UNC79: variants seen among roughly 807,000 people sequenced by gnomAD.
UNC79 encodes unc-79 subunit of NALCN channel complex.
UNC79 carries 37 observed loss-of-function variants against 283.1 expected under a neutral mutation model. That is an observed-to-expected ratio of 0.13 (90% confidence interval 0.10 to 0.17). The LOEUF is 0.17. Ranked by LOEUF, UNC79 falls within the 10% of genes least tolerant of loss-of-function variation. UNC79 has a pLI of 1.00. For missense variants in UNC79, 2,272 were observed against 3,211.1 expected, an observed-to-expected ratio of 0.71 and a Z score of 7.07; for synonymous variants, 1,107 against 1,200.2, an observed-to-expected ratio of 0.92 and a Z score of 1.61.
chr14:93,620,992 C>T (rs781676705), intron 29 of UNC79: 5 of 518,058 alleles, frequency 9.7e-6, no homozygotes, highest in Admixed American at 3.9e-5. Context: ...AAAGAATAGG[C>T]GGCAGCAAAA....
intron 1 of UNC79, among the ~76,000 whole-genome samples, chr14:93,419,256 C>T (rs1408150593): frequency 6.6e-6 from 1 of 151,176 alleles, no homozygotes; most frequent in Non-Finnish European, 1.5e-5. Flanking sequence ...GCAACCTCCA[C>T]TTCCCAGGTT....
chr14:93,691,723 A>G (rs1272632333), intron 45 of UNC79, 26 bp from the exon 49 acceptor site: 3 of 1,612,452 alleles, frequency 1.9e-6, no homozygotes, highest in Non-Finnish European at 2.5e-6. Context: ...GATGCAATGC[A>G]CTGATGCCGT....
At chr14:93,557,686 G>C (rs888119146) in intron 14 of UNC79, among the ~76,000 whole-genome samples, 7 of 152,056 alleles carry the variant, frequency 4.6e-5, no homozygotes, top group Admixed American at 4.6e-4. Flanking sequence ...GACAATGGAG[G>C]GAAAAAGAAT....
At chr14:93,698,083 A>C (rs1436292023) in intron 47 of UNC79, among the ~76,000 whole-genome samples, 1 of 152,194 alleles carries the variant, frequency 6.6e-6, no homozygotes, top group Admixed American at 6.5e-5. Context: ...CTAATGTATC[A>C]GAGAATATAC....
exon 41 of UNC79, chr14:93,673,436 A>G (rs1294740798): frequency 6.2e-6 from 10 of 1,612,598 alleles, no homozygotes; most frequent in Non-Finnish European, 8.5e-6. Context: ...CCAGATACAA[A>G]CCTTCTTCTG....
intron 5 of UNC79, among the ~76,000 whole-genome samples, chr14:93,492,114 G>A (rs1464810751): frequency 6.6e-6 from 1 of 152,136 alleles, no homozygotes; most frequent in Non-Finnish European, 1.5e-5. Context: ...TTTGTGCTAG[G>A]CATTGTGAAA....
At chr14:93,591,807 G>A (rs1216392855) in intron 22 of UNC79, among the ~76,000 whole-genome samples, 1 of 152,172 alleles carries the variant, frequency 6.6e-6, no homozygotes, top group Non-Finnish European at 1.5e-5. Context: ...TGAAAAAGAC[G>A]CGAGAACTGC....
At position 93,527,424 on chromosome 14, in the gene UNC79, C is replaced by T. The variant is rs181251970; in HGVS notation, c.964-1134C>T. 1.1e-4 allele frequency among the ~76,000 whole-genome samples: 16 copies of T among 152,274 alleles called. No homozygotes were observed. The East Asian group carries it at 2.5e-3, about 24-fold the overall frequency. ...TTTGCCAATCTCTGATTTAACACAC[C>T]GCAAAGCAGTTACTCATTACGTCTA... On this transcript the variant is annotated intron_variant, in intron 8 of 48. Transcript: ENST00000555664.
chr14:93,334,417 G>A (rs994391456), intron 1 of UNC79: 1 of 152,076 alleles, frequency 6.6e-6, no homozygotes, highest in African/African-American at 2.4e-5. Context: ...AGCTGGTAAG[G>A]GTCACTTCAG....
At chr14:93,649,701 A>C (rs1000364601) in intron 35 of UNC79, among the ~76,000 whole-genome samples, 3 of 152,180 alleles carry the variant, frequency 2.0e-5, no homozygotes, top group African/African-American at 7.2e-5. Context: ...ATATCACCTC[A>C]CATAGTTATC....
chr14:93,354,779 G>T (rs1249960459), intron 1 of UNC79, among the ~76,000 whole-genome samples: 2 of 152,200 alleles, frequency 1.3e-5, no homozygotes, highest in Non-Finnish European at 2.9e-5. Context: ...TGGGATTACA[G>T]GCATGAGATA....
rs570336322 is a variant in UNC79, at chr14:93,523,830, A to G, written c.899-148A>G. Reference sequence around the variant, plus strand: ...TTGTATATCTTTGCTTGTCTTTTAAATTTTTTATAGATTAAAAAGATGATT... The same window carrying G: ...TTGTATATCTTTGCTTGTCTTTTAAGTTTTTTATAGATTAAAAAGATGATT... On this transcript the variant is annotated intron_variant, in intron 7 of 48. Transcript: ENST00000555664. The G allele has an allele frequency of 4.6e-5, 39 of 840,748 alleles. No homozygotes were observed. The East Asian group carries it at 5.6e-4, about 12-fold the overall frequency. 52.1% of individuals were successfully genotyped at this position (840,748 alleles called of 1,614,324 possible).
intron 40 of UNC79, among the ~76,000 whole-genome samples, chr14:93,668,381 T>C (rs2072448574): frequency 6.6e-6 from 1 of 152,152 alleles, no homozygotes; most frequent in Non-Finnish European, 1.5e-5. Context: ...ACTTTTAAAA[T>C]GTCATCTATT....
chr14:93,439,962 T>C (rs2056233765), intron 1 of UNC79, among the ~76,000 whole-genome samples: 1 of 152,134 alleles, frequency 6.6e-6, no homozygotes, highest in South Asian at 2.1e-4. Flanking sequence ...TCATTTCTAA[T>C]GCATACAGTT....
At chr14:93,342,449 C>T (rs1237017824) in intron 1 of UNC79, among the ~76,000 whole-genome samples, 3 of 152,212 alleles carry the variant, frequency 2.0e-5, no homozygotes, top group Non-Finnish European at 2.9e-5. Context: ...GCCATTTTTC[C>T]TTCCTAGGCC....
chr14:93,622,122 A>C lies in UNC79; in HGVS notation c.4889A>C (p.Asp1630Ala), dbSNP rs756129252. Residue 1630 changes from aspartate (D) to alanine (A), a missense_variant, in exon 30 of 49, where the codon GAC becomes GCC. Asp to Ala is a moderately radical substitution (Grantham distance 126, BLOSUM62 -2). Around this residue, in one of 11 missense-constraint regions of UNC79, gnomAD observed 580 missense variants for 632.2 expected, o/e 0.92. Coordinates refer to ENST00000555664, the Ensembl canonical transcript of UNC79. ...TCTATACTCTCAACCTCCGACAGCGACTCTCTTGTATTTGAGCCTCTTCCC... is the reference window on the plus strand; with the variant it reads ...TCTATACTCTCAACCTCCGACAGCGCCTCTCTTGTATTTGAGCCTCTTCCC... 2.3e-5 allele frequency: 37 copies of C among 1,613,892 alleles called. No homozygotes were observed. The highest frequency in any genetic ancestry group is 1.4e-5 in the Non-Finnish European group (16 of 1,179,984).
exon 1 of UNC79, chr14:93,333,262 G>A: frequency 2.5e-6 from 1 of 402,332 alleles, no homozygotes; most frequent in South Asian, 1.3e-4. Context: ...GTCGCTGGGA[G>A]TTTGCCTCTT....
chr14:93,409,971 C>G (rs1210137069), intron 1 of UNC79, among the ~76,000 whole-genome samples: 1 of 152,188 alleles, frequency 6.6e-6, no homozygotes, highest in Non-Finnish European at 1.5e-5. Context: ...TATTTGTCCA[C>G]AAAAAGCACC....
chr14:93,516,137 T>C (rs1300838427), intron 7 of UNC79, among the ~76,000 whole-genome samples: 1 of 152,114 alleles, frequency 6.6e-6, no homozygotes, highest in Non-Finnish European at 1.5e-5. Context: ...TGTTGAATAA[T>C]AATTAACCAT....
Sources: allele counts gnomAD v4.1 joint callset (sites outside exome capture counted in the v4.1 genomes callset), GRCh38; gene constraint gnomAD v4.1.1; regional missense constraint gnomAD v4.1.1; transcripts MANE v1.5; gene names NCBI Gene and HGNC (gene_info 2026-07-23, HGNC 2026-07-21).